The following BCAR3 variants were observed in gnomAD, a reference collection of about 807,000 sequenced individuals.
BCAR3 encodes the protein breast cancer anti-estrogen resistance protein 3.
BCAR3 carries 37 observed loss-of-function variants against 80.1 expected under a neutral mutation model. That is an observed-to-expected ratio of 0.46 (90% CI 0.36 to 0.61). The LOEUF is 0.61. Among genes scored for constraint, BCAR3 ranks in the 20% least tolerant of loss-of-function variants. The pLI is 0.00. For missense variants in BCAR3, 978 were observed against 1,068.2 expected, an observed-to-expected ratio of 0.92 and a Z score of 1.18; for synonymous variants, 389 against 418.9, an observed-to-expected ratio of 0.93 and a Z score of 0.87.
chr1:93,644,463 C>A (rs938734732), intron 2 of BCAR3, among the ~76,000 whole-genome samples: 3 of 152,190 alleles, frequency 2.0e-5, no homozygotes, highest in Non-Finnish European at 4.4e-5. Context: ...AGTTGTCCCA[C>A]CTTTCTGGAC....
chr1:93,761,831 C>T (rs1047108502), intron 2 of BCAR3, among the ~76,000 whole-genome samples: 5 of 152,176 alleles, frequency 3.3e-5, no homozygotes, highest in South Asian at 2.1e-4. Flanking sequence ...TGCCCATGAG[C>T]CAGTCCATTG....
intron 11 of BCAR3, among the ~76,000 whole-genome samples, chr1:93,565,684 A>ATTGT (rs1383194387): frequency 5.3e-5 from 8 of 152,160 alleles, no homozygotes; most frequent in Admixed American, 4.6e-4. Flanking sequence ...GTGTGCTTTT[A>ATTGT]TTGTTTGAGT....
At chr1:93,616,769 G>C (rs1291425495) in intron 3 of BCAR3, among the ~76,000 whole-genome samples, 2 of 152,194 alleles carry the variant, frequency 1.3e-5, no homozygotes, top group African/African-American at 4.8e-5. Flanking sequence ...ATAGGGGAGG[G>C]CATTTCTAAG....
At chr1:93,789,889 CT>C (rs1265550455) in intron 2 of BCAR3, among the ~76,000 whole-genome samples, 1 of 152,116 alleles carries the variant, frequency 6.6e-6, no homozygotes, top group Non-Finnish European at 1.5e-5. Flanking sequence ...GTCAGTCATA[CT>C]GGTGAGGGAC....
intron 2 of BCAR3, among the ~76,000 whole-genome samples, chr1:93,727,793 C>G (rs1440426914): frequency 6.6e-6 from 1 of 152,172 alleles, no homozygotes; most frequent in Non-Finnish European, 1.5e-5. Context: ...AGTGGCCCCC[C>G]CAAAAGACAC....
chr1:93,751,456 A>G (rs919032954), intron 2 of BCAR3, among the ~76,000 whole-genome samples: 4 of 152,138 alleles, frequency 2.6e-5, no homozygotes, highest in Non-Finnish European at 2.9e-5. Context: ...GGGTAACTTT[A>G]TACCTGGTAC....
intron 2 of BCAR3, among the ~76,000 whole-genome samples, chr1:93,740,729 C>G (rs1453580436): frequency 6.6e-6 from 1 of 152,146 alleles, no homozygotes; most frequent in Non-Finnish European, 1.5e-5. Flanking sequence ...CCTTTCCCAT[C>G]CTTTTTGTTC....
rs1674943130 is a variant in BCAR3, at chr1:93,611,424, AG to A, written c.358-19032del. Among the ~76,000 whole-genome samples, 3 of 152,328 alleles carry A rather than the reference AG, an allele frequency of 2.0e-5. No homozygotes were observed. The South Asian group carries it at 6.2e-4, about 32-fold the overall frequency. On this transcript the variant is annotated intron_variant, in intron 3 of 11. Transcript: ENST00000260502. ...TATGATCTGGAATATCTCCATTACA[AG>A]TTTCTTTCCACTGGGCTTAAATAAA...
At chr1:93,685,511 A>T (rs573863240), upstream of BCAR3, among the ~76,000 whole-genome samples, 3 of 152,296 alleles carry the variant, frequency 2.0e-5, no homozygotes, top group African/African-American at 7.2e-5. Flanking sequence ...GACTCTCTTC[A>T]TTCTTTTTTG....
chr1:93,804,335 A>G (rs1303634809), intron 2 of BCAR3, among the ~76,000 whole-genome samples: 1 of 152,190 alleles, frequency 6.6e-6, no homozygotes, highest in Non-Finnish European at 1.5e-5. Flanking sequence ...TATTATGCAT[A>G]CCTATGATAA....
chr1:93,806,239 T>C (rs1653648746), intron 2 of BCAR3, among the ~76,000 whole-genome samples: 1 of 152,166 alleles, frequency 6.6e-6, no homozygotes, highest in Admixed American at 6.5e-5. Context: ...AAAAAGGCAT[T>C]TGATATGCAT....
At chr1:93,573,170 C>T (rs1243822542) in intron 8 of BCAR3, among the ~76,000 whole-genome samples, 1 of 151,996 alleles carries the variant, frequency 6.6e-6, no homozygotes, top group Non-Finnish European at 1.5e-5. Flanking sequence ...CTGAGGCAGG[C>T]ACAATGCTTG....
chr1:93,843,786 T>C (rs1655047614), intron 2 of BCAR3, among the ~76,000 whole-genome samples: 2 of 152,206 alleles, frequency 1.3e-5, no homozygotes, highest in Admixed American at 1.3e-4. Flanking sequence ...ATAAATCGTA[T>C]TTCTCCTAGG....
chr1:93,737,982 A>T (rs1340560991), intron 2 of BCAR3, among the ~76,000 whole-genome samples: 2 of 152,144 alleles, frequency 1.3e-5, no homozygotes, highest in African/African-American at 4.8e-5. Flanking sequence ...AGCAAGCACA[A>T]CCATGCCAGC....
At chr1:93,765,491 A>G (rs74104105) in intron 2 of BCAR3, among the ~76,000 whole-genome samples, 17,789 of 152,112 alleles carry the variant, frequency 0.12, 1,462 homozygotes, top group African/African-American at 0.22. Flanking sequence ...CAGGTAGAAA[A>G]CTGGACATAG....
At chr1:93,628,571 T>C (rs1675516555) in intron 3 of BCAR3, among the ~76,000 whole-genome samples, 1 of 152,168 alleles carries the variant, frequency 6.6e-6, no homozygotes, top group African/African-American at 2.4e-5. Context: ...TTGCCCTTCT[T>C]CTTCCCCTTA....
intron 2 of BCAR3, among the ~76,000 whole-genome samples, chr1:93,726,435 A>T (rs1259478907): frequency 6.6e-6 from 1 of 152,048 alleles, no homozygotes; most frequent in Non-Finnish European, 1.5e-5. Flanking sequence ...CATGTGTCTC[A>T]AAAAAAATTC....
chr1:93,636,134 T>A (rs1675772716), intron 3 of BCAR3, among the ~76,000 whole-genome samples: 1 of 152,200 alleles, frequency 6.6e-6, no homozygotes, highest in African/African-American at 2.4e-5. Context: ...GTAACGTCTA[T>A]AGACCTAGAA....
chr1:93,840,958 G>A (rs1654937974), intron 2 of BCAR3, among the ~76,000 whole-genome samples: 2 of 152,104 alleles, frequency 1.3e-5, no homozygotes, highest in Non-Finnish European at 2.9e-5. Flanking sequence ...AAAAGAAGAC[G>A]TGCTCCCCCC....
Sources: allele counts gnomAD v4.1 joint callset (sites outside exome capture counted in the v4.1 genomes callset), GRCh38; gene constraint gnomAD v4.1.1; transcripts MANE v1.5; gene names NCBI Gene and HGNC (gene_info 2026-07-23, HGNC 2026-07-21).